CCDC50: variants seen among roughly 807,000 people sequenced by gnomAD.
CCDC50 encodes coiled-coil domain containing 50, also known as coiled-coil domain-containing protein 50.
CCDC50 carries 54 observed loss-of-function variants against 70.2 expected under a neutral mutation model. The observed-to-expected ratio is 0.77, with a 90% confidence interval of 0.62 to 0.96. CCDC50 has a LOEUF of 0.96. CCDC50 is among the 50% of genes least tolerant of loss of function. The probability of loss-of-function intolerance (pLI) is 0.00; values close to 1 mark genes in which losing one functional copy is unlikely to be tolerated. For missense variants in CCDC50, 558 were observed against 578.7 expected (o/e 0.96, Z 0.37); for synonymous variants, 216 against 198.8 (o/e 1.09, Z -0.73).
intron 1 of CCDC50, among the ~76,000 whole-genome samples, chr3:191,343,457 A>G (rs1410859926): frequency 3.9e-5 from 6 of 152,266 alleles, no homozygotes; most frequent in Non-Finnish European, 7.3e-5. Context: ...TTCTCTAAGT[A>G]TAATTTTAAG....
chr3:191,355,568 C>T (rs1484932309), intron 1 of CCDC50, among the ~76,000 whole-genome samples: 1 of 152,198 alleles, frequency 6.6e-6, no homozygotes, highest in East Asian at 1.9e-4. Context: ...GAACTCTGTA[C>T]AGCCTTAGAA....
chr3:191,368,082 T>G (rs1576964632), intron 4 of CCDC50, among the ~76,000 whole-genome samples: 1 of 152,020 alleles, frequency 6.6e-6, no homozygotes. Flanking sequence ...GTTCAAACTT[T>G]CTATTGTACA....
intron 7 of CCDC50, 115 bp downstream of exon 7, chr3:191,380,389 T>G (rs1713276646): frequency 1.3e-6 from 1 of 768,492 alleles, no homozygotes; most frequent in Non-Finnish European, 2.3e-6. Context: ...CCTTTTTTTA[T>G]GAGTGGAAAA....
In CCDC50 at chr3:191,358,113, C is replaced by G; in HGVS notation, c.228C>G (p.Arg76=). 1 of 1,613,522 alleles carries G rather than the reference C, an allele frequency of 6.2e-7. No individual in the cohort carries two copies. The highest frequency in any genetic ancestry group is 1.3e-5 in the African/African-American group (1 of 74,888). Residue 76 remains arginine, a synonymous_variant, in exon 3 of 12, where the codon CGC becomes CGG. Transcript: ENST00000392455. ...AAGCGCAGGCCCAGCTCCAGAAGCGCTACAAAGACCTGTGAGGATTTGGGA... is the reference window on the plus strand; with the variant it reads ...AAGCGCAGGCCCAGCTCCAGAAGCGGTACAAAGACCTGTGAGGATTTGGGA... The part of the protein sequence containing the change: ...DLKAQAQLQK[R]YKDLEQQDCE...
chr3:191,347,491 T>G (rs1218786828), intron 1 of CCDC50, among the ~76,000 whole-genome samples: 1 of 141,908 alleles, frequency 7.0e-6, no homozygotes, highest in African/African-American at 2.5e-5. Context: ...AACAAATACA[T>G]CCGTATGTAT....
At chr3:191,362,129 T>C (rs1712511652) in intron 4 of CCDC50, among the ~76,000 whole-genome samples, 1 of 152,182 alleles carries the variant, frequency 6.6e-6, no homozygotes, top group Admixed American at 6.5e-5. Context: ...TTTTCAGCCC[T>C]TTTTTTAAAT....
intron 1 of CCDC50, among the ~76,000 whole-genome samples, chr3:191,334,645 C>T (rs1243243848): frequency 6.6e-6 from 1 of 152,132 alleles, no homozygotes; most frequent in Non-Finnish European, 1.5e-5. Context: ...GTTGCTTACA[C>T]AGCTTATTCT....
rs114016363 is a variant in CCDC50 at position 191,388,248 on chromosome 3, C to T, written c.1323-1248C>T. ...ATATACAAATGCATATATATAAACA[C>T]ACATATATACATATAGTCTTTTATA... On this transcript the variant is annotated intron_variant, in intron 10 of 11. Coordinates refer to ENST00000392455, the MANE Select transcript of CCDC50 (RefSeq NM_178335.3). Among the ~76,000 whole-genome samples the T allele has an allele frequency of 2.4e-3, 370 of 152,060 alleles. 4 individuals carry two copies. The highest frequency in any genetic ancestry group is 8.5e-3 in the African/African-American group (351 of 41,482).
intron 10 of CCDC50, among the ~76,000 whole-genome samples, chr3:191,384,031 A>G (rs1389071073): frequency 6.6e-6 from 1 of 152,172 alleles, no homozygotes; most frequent in Non-Finnish European, 1.5e-5. Context: ...TACTAATACC[A>G]TTGACAGCAT....
rs930355556 is a variant in CCDC50 at position 191,361,160 on chromosome 3, G to A, written c.330+1G>A. ...ACGCATTCAGGAGAAGAAGGATGAGGTATAACTTAGTTACTGCCCCTCTCC... is the reference window on the plus strand; with the variant it reads ...ACGCATTCAGGAGAAGAAGGATGAGATATAACTTAGTTACTGCCCCTCTCC... On this transcript the variant is annotated splice_donor_variant, in intron 4 of 11. Coordinates refer to ENST00000392455, the MANE Select transcript of CCDC50 (RefSeq NM_178335.3). LOFTEE classifies it high-confidence loss of function. 2.5e-6 allele frequency: 4 copies of A among 1,607,272 alleles called. No homozygotes were observed. Among genetic ancestry groups the A allele is most frequent in the Non-Finnish European group, 3.4e-6 (4 of 1,174,040 alleles).
intron 6 of CCDC50, among the ~76,000 whole-genome samples, chr3:191,376,059 G>A (rs1207207946): frequency 6.6e-6 from 1 of 152,152 alleles, no homozygotes; most frequent in Non-Finnish European, 1.5e-5. Context: ...GTAAAATGAG[G>A]AGTTGGATAG....
rs983031214 is a variant in CCDC50 at position 191,357,944 on chromosome 3, A to G, written c.113-54A>G. 18 of 1,611,042 alleles carry G rather than the reference A, an allele frequency of 1.1e-5. No individual in the cohort carries two copies. In the African/African-American group the frequency reaches 2.4e-4, roughly 22 times the overall value. On this transcript the variant is annotated intron_variant, in intron 2 of 11. Coordinates refer to ENST00000392455, the MANE Select transcript of CCDC50 (RefSeq NM_178335.3). ...AGCTCTTAAGATTATTATGGCATTT[A>G]TTACTAACAAACCAAGACATTATTC...
At chr3:191,384,849 A>G (rs550659437) in intron 10 of CCDC50, among the ~76,000 whole-genome samples, 69 of 152,166 alleles carry the variant, frequency 4.5e-4, no homozygotes, top group African/African-American at 1.6e-3. Context: ...CCCAGTGTCT[A>G]TTATTCACAT....
intron 1 of CCDC50, among the ~76,000 whole-genome samples, chr3:191,342,114 G>C (rs565150724): frequency 6.6e-6 from 1 of 152,172 alleles, no homozygotes; most frequent in Admixed American, 6.5e-5. Flanking sequence ...CCTAACAGTG[G>C]AATTGCAGAA....
At chr3:191,357,238 G>A (rs1378581543) in intron 2 of CCDC50, 88 bp downstream of exon 2, 1 of 1,014,788 alleles carries the variant, frequency 9.9e-7, no homozygotes, top group African/African-American at 1.6e-5. Context: ...GGTGGGGAGA[G>A]AGCACAGTCA....
At chr3:191,362,150 C>G (rs1307267205) in intron 4 of CCDC50, among the ~76,000 whole-genome samples, 1 of 151,996 alleles carries the variant, frequency 6.6e-6, no homozygotes, top group Admixed American at 6.6e-5. Flanking sequence ...TATTTTTTGA[C>G]AGTGTTTTGC....
intron 6 of CCDC50, among the ~76,000 whole-genome samples, chr3:191,377,547 A>C (rs575493142): frequency 6.6e-6 from 1 of 152,166 alleles, no homozygotes; most frequent in African/African-American, 2.4e-5. Context: ...GTTAACTTCT[A>C]AACTCACAGG....
chr3:191,355,000 G>A (rs1461303853), intron 1 of CCDC50, among the ~76,000 whole-genome samples: 4 of 151,522 alleles, frequency 2.6e-5, no homozygotes, highest in Non-Finnish European at 5.9e-5. Flanking sequence ...TTTTTTATTT[G>A]TGGTTGATTT....
At chr3:191,382,473 C>T (rs1295383871) in intron 9 of CCDC50, among the ~76,000 whole-genome samples, 4 of 152,104 alleles carry the variant, frequency 2.6e-5, no homozygotes, top group Non-Finnish European at 4.4e-5. Context: ...CAGCCCATTC[C>T]TCTGGCTGCT....
Sources: allele counts gnomAD v4.1 joint callset (sites outside exome capture counted in the v4.1 genomes callset), GRCh38; gene constraint gnomAD v4.1.1; transcripts MANE v1.5; gene names NCBI Gene and HGNC (gene_info 2026-07-23, HGNC 2026-07-21).